FCHO2: variants seen among roughly 807,000 people sequenced by gnomAD.
FCHO2 encodes the protein FCH and mu domain containing endocytic adaptor 2.
In FCHO2, 43 loss-of-function variants were observed where a neutral mutation model predicts 114.1. That is an observed-to-expected ratio of 0.38 (90% CI 0.30 to 0.49). FCHO2 has a LOEUF of 0.49. FCHO2 is among the 20% of genes least tolerant of loss of function. The probability of loss-of-function intolerance (pLI) is 0.97; values close to 1 mark genes in which losing one functional copy is unlikely to be tolerated. For synonymous variants in FCHO2, 293 were observed against 315.2 expected, an observed-to-expected ratio of 0.93 and a Z score of 0.75; for missense variants, 807 against 950.4, an observed-to-expected ratio of 0.85 and a Z score of 1.98.
At chr5:73,081,740 C>G (rs547735347) in intron 22 of FCHO2, 43 bp from the exon 23 acceptor site, 1 of 1,399,952 alleles carries the variant, frequency 7.1e-7, no homozygotes, top group South Asian at 1.8e-5. Flanking sequence ...GACTTCTTAA[C>G]TTTTCAGGCC....
intron 1 of FCHO2, among the ~76,000 whole-genome samples, chr5:72,962,669 C>T (rs185450680): frequency 6.6e-5 from 10 of 152,098 alleles, no homozygotes; most frequent in East Asian, 3.9e-4. Flanking sequence ...CTGAGGTGGG[C>T]GGACCATGAG....
chr5:73,088,048 G>A lies in FCHO2; in HGVS notation c.2411-20G>A. ...TGCATTTGAAATTGTAATTGCAAAGGTCTGCTTGGCGTTTTTCAGGACGAT... is the reference window on the plus strand; with the variant it reads ...TGCATTTGAAATTGTAATTGCAAAGATCTGCTTGGCGTTTTTCAGGACGAT... On this transcript the variant is annotated intron_variant, in intron 25 of 25. Transcript: ENST00000430046. 1 of 1,613,268 alleles carries A rather than the reference G, an allele frequency of 6.2e-7. No homozygotes were observed. The highest frequency in any genetic ancestry group is 8.5e-7 in the Non-Finnish European group (1 of 1,179,640).
intron 8 of FCHO2, among the ~76,000 whole-genome samples, chr5:73,027,297 T>C (rs1755990020): frequency 6.6e-6 from 1 of 151,884 alleles, no homozygotes. Context: ...CTATTTATAA[T>C]TCATAAAAGT....
chr5:73,052,439 C>T lies in FCHO2; in HGVS notation c.1105C>T (p.His369Tyr). 6.2e-7 allele frequency: 1 copy of T among 1,601,710 alleles called. No homozygotes were observed. The highest frequency in any genetic ancestry group is 8.5e-7 in the Non-Finnish European group (1 of 1,173,514). ...GCCTATGCATCCAAATAACTCACAT[C>T]ACACAATGGCTTCTTTGGATGAATT... ...IKPMHPNNSH[H>Y]TMASLDELKV... The change falls in exon 13 of 26, where the codon CAC becomes TAC. Residue 369 changes from histidine (H) to tyrosine (Y), a missense_variant. Coordinates refer to ENST00000430046, the MANE Select transcript of FCHO2 (RefSeq NM_138782.3).
intron 2 of FCHO2, among the ~76,000 whole-genome samples, chr5:72,978,341 T>C (rs1460995835): frequency 6.6e-6 from 1 of 152,224 alleles, no homozygotes; most frequent in Non-Finnish European, 1.5e-5. Context: ...GTAAGTTGTA[T>C]TTCTAGGTAT....
chr5:72,989,520 C>T lies in FCHO2; in HGVS notation c.200+19C>T. 1 of 1,581,502 alleles carries T rather than the reference C, an allele frequency of 6.3e-7. No individual in the cohort carries two copies. Among genetic ancestry groups the T allele is most frequent in the South Asian group, 1.2e-5 (1 of 86,434 alleles). On this transcript the variant is annotated intron_variant, in intron 3 of 25. Transcript: ENST00000430046. ...AACTTGGGTGAGTTAATTTCTTCCT[C>T]TTTTTCAGTGTTTATTTAGGCAAAG...
chr5:73,060,545 A>G (rs1757807088), intron 17 of FCHO2, among the ~76,000 whole-genome samples: 1 of 151,970 alleles, frequency 6.6e-6, no homozygotes, highest in African/African-American at 2.4e-5. Context: ...AGTTACAACC[A>G]GTCTTAAACT....
intron 2 of FCHO2, among the ~76,000 whole-genome samples, chr5:72,983,278 A>G (rs1489874870): frequency 6.6e-6 from 1 of 152,124 alleles, no homozygotes; most frequent in East Asian, 1.9e-4. Context: ...CCATAGGTAT[A>G]CATGTGCCGT....
intron 8 of FCHO2, among the ~76,000 whole-genome samples, chr5:73,027,669 T>G (rs1756014363): frequency 1.3e-5 from 2 of 152,162 alleles, no homozygotes; most frequent in African/African-American, 4.8e-5. Flanking sequence ...TAAATAGCCA[T>G]TAATCCATAC....
At position 73,081,995 on chromosome 5, in the gene FCHO2, T is replaced by TA. The variant is rs773254910; in HGVS notation, c.2180+14dup. 5 of 1,434,356 alleles carry TA rather than the reference T, an allele frequency of 3.5e-6. No homozygotes were observed. In the East Asian group the frequency reaches 1.3e-4, roughly 37 times the overall value. 88.9% of individuals were successfully genotyped at this position (1,434,356 alleles called of 1,614,324 possible). A position where few individuals can be genotyped will look rare whatever the true frequency, so the allele number is the denominator to read the frequency against. ...CCCCTGCAATATGGTAAATTAAACA[T>TA]ACGTTTCTGAATTCCCACTAAATTT... On this transcript the variant is annotated intron_variant, in intron 23 of 25. Coordinates refer to ENST00000430046, the MANE Select transcript of FCHO2 (RefSeq NM_138782.3).
At chr5:73,032,924 T>G (rs575611382) in intron 8 of FCHO2, among the ~76,000 whole-genome samples, 2 of 152,308 alleles carry the variant, frequency 1.3e-5, no homozygotes, top group South Asian at 4.1e-4. Context: ...TAATAAGCTG[T>G]TGGTAATTTA....
chr5:72,984,962 A>T (rs1448451480), intron 2 of FCHO2, among the ~76,000 whole-genome samples: 1 of 152,048 alleles, frequency 6.6e-6, no homozygotes, highest in Non-Finnish European at 1.5e-5. Context: ...CACTTGGTTG[A>T]TATGCCTTTT....
intron 8 of FCHO2, among the ~76,000 whole-genome samples, chr5:73,022,359 A>G (rs1429002923): frequency 6.6e-6 from 1 of 152,078 alleles, no homozygotes; most frequent in African/African-American, 2.4e-5. Flanking sequence ...GAATCAAGCC[A>G]ATTTTATTTT....
At chr5:72,975,281 C>T (rs1432588537) in intron 2 of FCHO2, among the ~76,000 whole-genome samples, 1 of 152,056 alleles carries the variant, frequency 6.6e-6, no homozygotes, top group Non-Finnish European at 1.5e-5. Flanking sequence ...TCTTGAAGGA[C>T]CCAATGAGAA....
chr5:73,027,369 C>CT (rs1219325280), intron 8 of FCHO2, among the ~76,000 whole-genome samples: 1,750 of 136,698 alleles, frequency 0.013, 27 homozygotes, highest in Middle Eastern at 0.056. Context: ...CTGGCTTGTT[C>CT]TTTTTTTTTT....
At chr5:72,958,352 T>C (rs192915913) in intron 1 of FCHO2, among the ~76,000 whole-genome samples, 37 of 152,334 alleles carry the variant, frequency 2.4e-4, no homozygotes, top group African/African-American at 8.7e-4. Flanking sequence ...TTGAAGTTAA[T>C]TTTTGTGTAT....
intron 8 of FCHO2, chr5:73,021,069 T>A: frequency 1.1e-6 from 1 of 890,254 alleles, no homozygotes; most frequent in Non-Finnish European, 1.9e-6. Context: ...CCTCTCCCTC[T>A]GGAAAGAAGA....
chr5:73,014,483 T>G (rs1322124997), intron 6 of FCHO2, among the ~76,000 whole-genome samples: 1 of 151,656 alleles, frequency 6.6e-6, no homozygotes, highest in Non-Finnish European at 1.5e-5. Flanking sequence ...AGAGACGAGG[T>G]TTCACCACGT....
chr5:72,965,964 C>A (rs571252299), intron 1 of FCHO2, among the ~76,000 whole-genome samples: 63 of 152,246 alleles, frequency 4.1e-4, no homozygotes, highest in Non-Finnish European at 7.9e-4. Flanking sequence ...CCTTCTCTTA[C>A]CCCTCCAAAG....
Sources: gnomAD v4.1 joint callset for allele counts (sites outside exome capture counted in the v4.1 genomes callset) on GRCh38, gnomAD v4.1.1 for gene constraint, MANE v1.5 for transcripts, NCBI Gene and HGNC (gene_info 2026-07-23, HGNC 2026-07-21) for gene names.